ZMIZ1: variants seen among roughly 807,000 people sequenced by gnomAD.
The protein encoded by ZMIZ1 is zinc finger MIZ domain-containing protein 1.
In ZMIZ1, 17 loss-of-function variants were observed where a neutral mutation model predicts 113.9. The ratio of observed to expected loss-of-function variants is 0.15; its 90% confidence interval spans 0.10 to 0.22. ZMIZ1 has a LOEUF of 0.22. Ranked by LOEUF, ZMIZ1 falls within the 10% of genes least tolerant of loss-of-function variation. The pLI, the probability that ZMIZ1 is intolerant of heterozygous loss-of-function variation, is 1.00. For synonymous variants in ZMIZ1, 607 were observed against 603.1 expected, an observed-to-expected ratio of 1.01 and a Z score of -0.09; for missense variants, 1,059 against 1,477.8, an observed-to-expected ratio of 0.72 and a Z score of 4.65.
intron 1 of ZMIZ1, among the ~76,000 whole-genome samples, chr10:79,070,723 T>C (rs998694406): frequency 2.6e-5 from 4 of 151,992 alleles, no homozygotes; most frequent in African/African-American, 9.7e-5. Flanking sequence ...CGGGGAGGCC[T>C]GACGGCCGGG....
chr10:79,214,675 C>G (rs902749565), intron 6 of ZMIZ1, among the ~76,000 whole-genome samples: 6 of 152,314 alleles, frequency 3.9e-5, no homozygotes, highest in African/African-American at 1.4e-4. Flanking sequence ...GCCTCTGGAG[C>G]AGGTGGTTCC....
intron 8 of ZMIZ1, chr10:79,285,402 A>C (rs1853006154): frequency 2.2e-6 from 1 of 452,072 alleles, no homozygotes; most frequent in East Asian, 7.0e-5. Flanking sequence ...CTTACACTTA[A>C]CCCTCACGGC....
At chr10:79,201,806 C>A in intron 5 of ZMIZ1, 114 bp downstream of exon 5, 1 of 1,141,720 alleles carries the variant, frequency 8.8e-7, no homozygotes, top group Non-Finnish European at 1.3e-6. Context: ...GACCACCTAC[C>A]TATCGAGGCC....
chr10:79,103,728 C>T (rs1843450460), intron 1 of ZMIZ1, among the ~76,000 whole-genome samples: 2 of 152,072 alleles, frequency 1.3e-5, no homozygotes, highest in South Asian at 4.1e-4. Flanking sequence ...CCCTGGGGCT[C>T]TTTGCCAGCC....
At chr10:79,147,237 C>A (rs961554413) in intron 3 of ZMIZ1, among the ~76,000 whole-genome samples, 6 of 152,140 alleles carry the variant, frequency 3.9e-5, no homozygotes, top group Non-Finnish European at 7.4e-5. Context: ...ATCCTCTGCC[C>A]TCCCTGGACG....
chr10:79,082,680 G>A (rs994496757), intron 1 of ZMIZ1, among the ~76,000 whole-genome samples: 1 of 152,260 alleles, frequency 6.6e-6, no homozygotes, highest in African/African-American at 2.4e-5. Flanking sequence ...GCCCGAGGCT[G>A]TCCTTGGCCT....
chr10:79,074,335 G>A (rs1287471766), intron 1 of ZMIZ1, among the ~76,000 whole-genome samples: 1 of 152,184 alleles, frequency 6.6e-6, no homozygotes, highest in African/African-American at 2.4e-5. Context: ...TGGGTGCTGG[G>A]GGAATGAGGT....
At chr10:79,142,682 G>T (rs568388456) in intron 3 of ZMIZ1, among the ~76,000 whole-genome samples, 1 of 152,222 alleles carries the variant, frequency 6.6e-6, no homozygotes, top group Non-Finnish European at 1.5e-5. Flanking sequence ...GTGGGCAAGC[G>T]CATGCCTGGG....
At chr10:79,193,099 C>T (rs1847677734) in intron 4 of ZMIZ1, among the ~76,000 whole-genome samples, 1 of 152,226 alleles carries the variant, frequency 6.6e-6, no homozygotes, top group Non-Finnish European at 1.5e-5. Context: ...CCACCTGCGA[C>T]GTGACCACAG....
intron 7 of ZMIZ1, among the ~76,000 whole-genome samples, chr10:79,227,958 G>A (rs756143706): frequency 7.2e-5 from 11 of 152,228 alleles, no homozygotes; most frequent in Non-Finnish European, 1.0e-4. Context: ...GCTGGCAGAG[G>A]GAGGCTGGAC....
intron 7 of ZMIZ1, 65 bp downstream of exon 7, chr10:79,216,339 A>C: frequency 1.4e-6 from 2 of 1,424,236 alleles, no homozygotes; most frequent in Non-Finnish European, 1.9e-6. Flanking sequence ...ACTATAAACC[A>C]TGCCTGTTTG....
Position 79,311,032 on chromosome 10 carries a change from C to G in ZMIZ1, c.2944C>G (p.Pro982Ala). ...SGPPLHHSGAPPPPPSQPPRQ... is the reference protein window; with the variant it reads ...SGPPLHHSGAAPPPPSQPPRQ... Reference sequence around the variant, plus strand: ...GCCTCCATTACATCACAGTGGGGCTCCTCCTCCTCCTCCTTCCCAGCCTCC... The same window carrying G: ...GCCTCCATTACATCACAGTGGGGCTGCTCCTCCTCCTCCTTCCCAGCCTCC... Residue 982 changes from proline (P) to alanine (A), a missense_variant, in exon 24 of 25, where the codon CCT (proline) becomes GCT (alanine). Coordinates refer to ENST00000334512, the MANE Select transcript of ZMIZ1 (RefSeq NM_020338.4). 1 of 1,610,216 alleles carries G rather than the reference C, an allele frequency of 6.2e-7. No individual in the cohort carries two copies. Among genetic ancestry groups the G allele is most frequent in the Non-Finnish European group, 8.5e-7 (1 of 1,178,172 alleles).
intron 1 of ZMIZ1, among the ~76,000 whole-genome samples, chr10:79,115,486 T>G (rs1458556950): frequency 1.3e-5 from 2 of 152,208 alleles, no homozygotes; most frequent in Non-Finnish European, 2.9e-5. Flanking sequence ...ATCATCCTAT[T>G]GCTGGTAAGC....
intron 12 of ZMIZ1, 82 bp downstream of exon 12, chr10:79,293,735 A>G: frequency 6.2e-7 from 1 of 1,603,122 alleles, no homozygotes; most frequent in Non-Finnish European, 8.5e-7. Context: ...CGGCTTTGGA[A>G]GGGGTGTGGC....
At chr10:79,233,280 C>T (rs1849467632) in intron 7 of ZMIZ1, among the ~76,000 whole-genome samples, 1 of 152,236 alleles carries the variant, frequency 6.6e-6, no homozygotes, top group Admixed American at 6.5e-5. Flanking sequence ...TGGCCCCTGC[C>T]TTAGTCTGTT....
chr10:79,110,151 C>T (rs1490225328), intron 1 of ZMIZ1, among the ~76,000 whole-genome samples: 2 of 152,260 alleles, frequency 1.3e-5, no homozygotes, highest in Non-Finnish European at 2.9e-5. Flanking sequence ...ACTTCATCCT[C>T]ATCTGCATCT....
chr10:79,191,545 T>C (rs1847601932), intron 4 of ZMIZ1, among the ~76,000 whole-genome samples: 1 of 152,192 alleles, frequency 6.6e-6, no homozygotes, highest in African/African-American at 2.4e-5. Context: ...AGCACTGCTA[T>C]CCTGGGAGAG....
At chr10:79,261,657 C>G (rs960380120) in intron 7 of ZMIZ1, among the ~76,000 whole-genome samples, 8 of 152,332 alleles carry the variant, frequency 5.3e-5, no homozygotes, top group African/African-American at 1.7e-4. Context: ...TGAGGGACAC[C>G]AGCAAGTGGT....
At chr10:79,149,330 C>G (rs1845617486) in intron 3 of ZMIZ1, among the ~76,000 whole-genome samples, 1 of 152,258 alleles carries the variant, frequency 6.6e-6, no homozygotes, top group Non-Finnish European at 1.5e-5. Flanking sequence ...TTCTGAGTCC[C>G]TCTGCCCTGG....
Sources: gnomAD v4.1 joint callset for allele counts (sites outside exome capture counted in the v4.1 genomes callset) on GRCh38, gnomAD v4.1.1 for gene constraint, MANE v1.5 for transcripts, NCBI Gene and HGNC (gene_info 2026-07-23, HGNC 2026-07-21) for gene names.